CC2D2B: variants seen among roughly 807,000 people sequenced by gnomAD.
CC2D2B encodes protein CC2D2B.
A neutral mutation model predicts 161.2 loss-of-function variants in CC2D2B; 128 were observed. The observed-to-expected ratio is 0.79, with a 90% confidence interval of 0.69 to 0.92. The LOEUF is 0.92. CC2D2B is among the 40% of genes least tolerant of loss of function. The pLI is 0.00. For synonymous variants in CC2D2B, 391 were observed against 449.8 expected (o/e 0.87, Z 1.65); for missense variants, 1,173 against 1,375.1 (o/e 0.85, Z 2.32).
intron 6 of CC2D2B, among the ~76,000 whole-genome samples, chr10:95,935,176 GTT>G (rs1008269930): frequency 1.3e-5 from 2 of 152,152 alleles, no homozygotes; most frequent in African/African-American, 4.8e-5. Context: ...TGGCCACACA[GTT>G]TTATATAAAC....
chr10:95,979,469 T>C (rs1169724242), intron 17 of CC2D2B, among the ~76,000 whole-genome samples: 1 of 152,170 alleles, frequency 6.6e-6, no homozygotes, highest in Non-Finnish European at 1.5e-5. Context: ...CAGTATTTTT[T>C]TAAAGGTCTC....
chr10:95,977,944 A>G (rs189773496), intron 17 of CC2D2B, among the ~76,000 whole-genome samples: 1 of 152,312 alleles, frequency 6.6e-6, no homozygotes, highest in East Asian at 1.9e-4. Context: ...GTTATTTTTT[A>G]ATGTGTACAG....
At chr10:95,958,429 T>G (rs1222175447) in intron 11 of CC2D2B, among the ~76,000 whole-genome samples, 1 of 152,162 alleles carries the variant, frequency 6.6e-6, no homozygotes, top group Non-Finnish European at 1.5e-5. Context: ...GAGGCAGAGC[T>G]TGCAGTGAGC....
intron 11 of CC2D2B, 30 bp from the exon 12 acceptor site, chr10:95,961,799 C>T: frequency 8.1e-7 from 1 of 1,227,472 alleles, no homozygotes; most frequent in Non-Finnish European, 1.0e-6. Context: ...AATCCACTGA[C>T]AAATTTTTGC....
chr10:95,952,563 T>C (rs967641462), intron 10 of CC2D2B: 2 of 152,166 alleles, frequency 1.3e-5, no homozygotes, highest in South Asian at 4.1e-4. Context: ...TGGTTTTTTT[T>C]AGATACAGCA....
chr10:96,025,173 ATATATAT>A (rs1262525371), intron 33 of CC2D2B, among the ~76,000 whole-genome samples: 1,093 of 27,378 alleles, frequency 0.04, 62 homozygotes, highest in East Asian at 0.19. Context: ...ATATATATAT[ATATATAT>A]ATATAAAAAA....
intron 6 of CC2D2B, among the ~76,000 whole-genome samples, chr10:95,936,663 G>A (rs1173768540): frequency 6.6e-6 from 1 of 152,166 alleles, no homozygotes; most frequent in African/African-American, 2.4e-5. Context: ...CTCAGACTAA[G>A]TGAGGAACAG....
intron 12 of CC2D2B, among the ~76,000 whole-genome samples, chr10:95,963,094 A>C (rs556808379): frequency 3.7e-4 from 56 of 152,080 alleles, no homozygotes; most frequent in Non-Finnish European, 6.3e-4. Flanking sequence ...TTTGGCTTCA[A>C]TTTGTCTCTC....
chr10:95,938,019 G>A lies in CC2D2B; in HGVS notation c.365G>A (p.Cys122Tyr). ...CCAGTAAACCGTAGTTATCCCAAAT[G>A]CTTTTCACTTGGTGTTAATTTACAA... ...QRPVNRSYPKCFSLGVNLQNV... is the reference protein window; with the variant it reads ...QRPVNRSYPKYFSLGVNLQNV... Residue 122 changes from cysteine to tyrosine, a missense_variant, in exon 7 of 35, where the codon TGC becomes TAC. Physicochemically the swap from Cys to Tyr is radical, Grantham distance 194. Coordinates refer to ENST00000646931, the MANE Select transcript of CC2D2B (RefSeq NM_001349008.3). 6.4e-7 allele frequency: 1 copy of A among 1,550,466 alleles called. No homozygotes were observed. The highest frequency in any genetic ancestry group is 8.7e-7 in the Non-Finnish European group (1 of 1,146,058).
intron 9 of CC2D2B, among the ~76,000 whole-genome samples, chr10:95,945,892 C>T (rs751553105): frequency 6.8e-6 from 1 of 147,836 alleles, no homozygotes; most frequent in East Asian, 2.1e-4. Context: ...TCAAGTACTT[C>T]TCCTGCCTTA....
intron 6 of CC2D2B, among the ~76,000 whole-genome samples, chr10:95,929,556 T>G (rs1198022041): frequency 1.3e-5 from 2 of 152,210 alleles, no homozygotes; most frequent in African/African-American, 2.4e-5. Context: ...TTAATCCATC[T>G]CGAGTTAATT....
At chr10:96,009,512 A>G (rs1181752451) in intron 25 of CC2D2B, among the ~76,000 whole-genome samples, 2 of 152,130 alleles carry the variant, frequency 1.3e-5, no homozygotes, top group Admixed American at 6.6e-5. Flanking sequence ...CACTTCACAT[A>G]TAGTGTAAGA....
chr10:95,920,655 C>T (rs972931629), intron 2 of CC2D2B: 3 of 152,112 alleles, frequency 2.0e-5, no homozygotes, highest in African/African-American at 4.8e-5. Context: ...CTGGGTCACA[C>T]CTGAAGCCAG....
chr10:95,929,511 G>A (rs1027937538), intron 6 of CC2D2B, among the ~76,000 whole-genome samples: 2 of 152,224 alleles, frequency 1.3e-5, no homozygotes, highest in East Asian at 3.9e-4. Context: ...TTTTCTTCTA[G>A]GGTTTTTATG....
At position 96,009,961 on chromosome 10, in the gene CC2D2B, A is replaced by G. The variant is rs185488997; in HGVS notation, c.3045+38A>G. 4.6e-6 allele frequency: 6 copies of G among 1,296,592 alleles called. No individual in the cohort carries two copies. The South Asian group carries it at 6.1e-5, about 13-fold the overall frequency. 80.3% of individuals were successfully genotyped at this position (1,296,592 alleles called of 1,614,324 possible). ...GCTTCTTTGCTCATTCTAAGTTTTG[A>G]CCTCTGGCTCATAGAAAAACTTTCT... On this transcript the variant is annotated intron_variant, in intron 26 of 34. Coordinates refer to ENST00000646931, the MANE Select transcript of CC2D2B (RefSeq NM_001349008.3).
At chr10:95,936,153 C>A (rs1590434215) in intron 6 of CC2D2B, among the ~76,000 whole-genome samples, 1 of 152,072 alleles carries the variant, frequency 6.6e-6, no homozygotes, top group Admixed American at 6.6e-5. Context: ...TCTTGTAGGG[C>A]AAGCATAAAG....
At chr10:95,977,775 G>A (rs1393545748) in intron 17 of CC2D2B, among the ~76,000 whole-genome samples, 2 of 152,150 alleles carry the variant, frequency 1.3e-5, no homozygotes, top group African/African-American at 4.8e-5. Flanking sequence ...GCATTATCTT[G>A]TGGGATTTAT....
chr10:95,920,801 G>T (rs117014611), intron 2 of CC2D2B: 2,392 of 152,466 alleles, frequency 0.016, 19 homozygotes, highest in Non-Finnish European at 0.028. Flanking sequence ...AGGGCAGTGG[G>T]TTCTCTTCTG....
At chr10:95,924,290 T>G (rs1419193694) in intron 3 of CC2D2B, 24 bp from the exon 4 acceptor site, 1 of 1,321,850 alleles carries the variant, frequency 7.6e-7, no homozygotes, top group Non-Finnish European at 1.0e-6. Context: ...TCATAAACTC[T>G]TTATTATGTT....
Sources: gnomAD v4.1 joint callset for allele counts (sites outside exome capture counted in the v4.1 genomes callset) on GRCh38, gnomAD v4.1.1 for gene constraint, MANE v1.5 for transcripts, NCBI Gene and HGNC (gene_info 2026-07-23, HGNC 2026-07-21) for gene names.